Variants in CDCA7L observed in about 807,000 individuals in gnomAD.
CDCA7L encodes cell division cycle associated 7 like.
CDCA7L carries 44 observed loss-of-function variants against 57.4 expected under a neutral mutation model. The observed-to-expected ratio is 0.77, with a 90% CI of 0.60 to 0.98. CDCA7L has a LOEUF of 0.98. Ranked by LOEUF, CDCA7L falls within the 50% of genes least tolerant of loss-of-function variation. The pLI is 0.00. For synonymous variants in CDCA7L, 236 were observed against 202.8 expected (o/e 1.16, Z -1.39); for missense variants, 644 against 580.6 (o/e 1.11, Z -1.12).
chr7:21,915,546 C>T (rs1785453946), intron 2 of CDCA7L, among the ~76,000 whole-genome samples: 1 of 150,972 alleles, frequency 6.6e-6, no homozygotes, highest in Non-Finnish European at 1.5e-5. Flanking sequence ...GCCTCTAATT[C>T]CAGCACTTTC....
In CDCA7L at chr7:21,901,343, A is replaced by G. The variant is rs1038836048; in HGVS notation, c.*979T>C. The G allele has an allele frequency of 3.2e-5, 44 of 1,377,956 alleles. No homozygotes were observed. The highest frequency in any genetic ancestry group is 3.9e-5 in the Non-Finnish European group (41 of 1,052,676). 85.4% of individuals were successfully genotyped at this position (1,377,956 alleles called of 1,614,324 possible). On this transcript the variant is annotated 3_prime_UTR_variant, in exon 10 of 10. Transcript: ENST00000406877. ...CACTGTTCCCATGCACATTATTCTAACTTTTTAGTAACTCACACGTGCATT... is the reference window on the plus strand; with the variant it reads ...CACTGTTCCCATGCACATTATTCTAGCTTTTTAGTAACTCACACGTGCATT...
chr7:21,902,572 G>GAGTTTATTAGATTC (rs1554294916), intron 9 of CDCA7L: 10 of 585,252 alleles, frequency 1.7e-5, no homozygotes, highest in Admixed American at 1.2e-4. Context: ...CCACGATTCA[G>GAGTTTATTAGATTC]AGTTTATTAA....
chr7:21,916,173 A>C (rs886419566), intron 2 of CDCA7L, among the ~76,000 whole-genome samples: 1 of 152,198 alleles, frequency 6.6e-6, no homozygotes, highest in Non-Finnish European at 1.5e-5. Context: ...CAATTAACTC[A>C]GAAGAAAATG....
At chr7:21,923,994 C>G (rs141281543) in intron 1 of CDCA7L, among the ~76,000 whole-genome samples, 1 of 152,150 alleles carries the variant, frequency 6.6e-6, no homozygotes, top group Non-Finnish European at 1.5e-5. Flanking sequence ...ATAAAAAGAT[C>G]ATCAAACTGT....
At chr7:21,913,440 C>A (rs923666614) in intron 2 of CDCA7L, among the ~76,000 whole-genome samples, 2 of 152,150 alleles carry the variant, frequency 1.3e-5, no homozygotes, top group Non-Finnish European at 1.5e-5. Flanking sequence ...CAAGTTCATG[C>A]AGCTTCTCTC....
chr7:21,939,061 C>G (rs1786262800), intron 1 of CDCA7L, among the ~76,000 whole-genome samples: 1 of 152,030 alleles, frequency 6.6e-6, no homozygotes, highest in Non-Finnish European at 1.5e-5. Context: ...CATGGATAAA[C>G]TTTAATAACA....
chr7:21,907,108 A>T (rs1785166468), intron 4 of CDCA7L, among the ~76,000 whole-genome samples: 1 of 152,248 alleles, frequency 6.6e-6, no homozygotes, highest in Non-Finnish European at 1.5e-5. Flanking sequence ...CATCAATCAA[A>T]GTAATCTATG....
intron 6 of CDCA7L, 114 bp downstream of exon 6, chr7:21,906,175 G>A: frequency 1.0e-6 from 1 of 968,678 alleles, no homozygotes. Context: ...CAAGTTCTCA[G>A]CTGCCGCAGA....
chr7:21,902,722 A>T, intron 9 of CDCA7L: 1 of 502,070 alleles, frequency 2.0e-6, no homozygotes, highest in Non-Finnish European at 3.5e-6. Flanking sequence ...CATTTCTGTC[A>T]TACACCTCAA....
At chr7:21,902,801 T>A (rs1269993044) in intron 9 of CDCA7L, 177 bp downstream of exon 9, 1 of 598,634 alleles carries the variant, frequency 1.7e-6, no homozygotes, top group Non-Finnish European at 2.8e-6. Flanking sequence ...GATTCCCTAA[T>A]AGGGAAAATA....
intron 7 of CDCA7L, 37 bp downstream of exon 7, chr7:21,905,469 G>A (rs748998895): frequency 7.5e-6 from 12 of 1,603,512 alleles, no homozygotes; most frequent in African/African-American, 2.7e-5. Context: ...CAATGCCTTC[G>A]ACTCCCAATA....
At chr7:21,918,631 C>G (rs1397692134) in intron 1 of CDCA7L, among the ~76,000 whole-genome samples, 1 of 152,134 alleles carries the variant, frequency 6.6e-6, no homozygotes, top group African/African-American at 2.4e-5. Flanking sequence ...TTAACAGACT[C>G]ATTTGGGTTT....
rs907294190 is a variant in CDCA7L at position 21,917,879 on chromosome 7, C to T, written c.25-985G>A. Among the ~76,000 whole-genome samples the T allele has an allele frequency of 3.3e-5, 5 of 152,196 alleles. No homozygotes were observed. In the South Asian group the frequency reaches 1.0e-3, roughly 32 times the overall value. Reference sequence around the variant, plus strand: ...ATAGAACCACAAAACCATAATTGTACCGAAAATAATTAACATTAATTCAAT... The same window carrying T: ...ATAGAACCACAAAACCATAATTGTATCGAAAATAATTAACATTAATTCAAT... On this transcript the variant is annotated intron_variant, in intron 1 of 9. Coordinates refer to ENST00000406877, the MANE Select transcript of CDCA7L (RefSeq NM_018719.5).
chr7:21,945,775 C>A lies in CDCA7L; in HGVS notation c.24+6G>T. ...TCCGGACGGCGGCGGGCGGCCGGAC[C>A]CTCACCTGGTAGCGAGTCGCCAACT... On this transcript the variant is annotated splice_donor_region_variant and intron_variant, in intron 1 of 9. Coordinates refer to ENST00000406877, the MANE Select transcript of CDCA7L (RefSeq NM_018719.5). 1.3e-6 allele frequency: 2 copies of A among 1,599,364 alleles called. No homozygotes were observed. Among genetic ancestry groups the A allele is most frequent in the African/African-American group, 1.4e-5 (1 of 73,020 alleles).
At chr7:21,911,803 T>A in intron 2 of CDCA7L, 49 bp from the exon 3 acceptor site, 3 of 1,567,420 alleles carry the variant, frequency 1.9e-6, no homozygotes, top group Non-Finnish European at 2.6e-6. Context: ...GAATAGAGGT[T>A]ACCAGGGAAG....
At chr7:21,912,948 G>C (rs1785377412) in intron 2 of CDCA7L, among the ~76,000 whole-genome samples, 2 of 152,100 alleles carry the variant, frequency 1.3e-5, no homozygotes, top group Admixed American at 1.3e-4. Context: ...GCAGGCCAAA[G>C]GGAGACCCAC....
Position 21,942,774 on chromosome 7 carries a change from G to C in CDCA7L, c.24+3007C>G, listed in dbSNP as rs559748190. Among the ~76,000 whole-genome samples, 156 of 152,282 alleles carry C rather than the reference G, an allele frequency of 1.0e-3. 2 individuals are homozygous for C. Among genetic ancestry groups the C allele is most frequent in the African/African-American group, 3.6e-3 (149 of 41,550 alleles). On this transcript the variant is annotated intron_variant, in intron 1 of 9. Transcript: ENST00000406877. ...TGGATGGGGTAGCCAGCAGAACACAGAACAACCAAGGAGCGTTTTAAATAC... is the reference window on the plus strand; with the variant it reads ...TGGATGGGGTAGCCAGCAGAACACACAACAACCAAGGAGCGTTTTAAATAC...
intron 1 of CDCA7L, among the ~76,000 whole-genome samples, chr7:21,920,469 A>C (rs1785616836): frequency 6.6e-6 from 1 of 152,240 alleles, no homozygotes; most frequent in African/African-American, 2.4e-5. Flanking sequence ...GGTTCAATCA[A>C]AGGAAGTGTA....
chr7:21,903,033 G>A lies in CDCA7L; in HGVS notation c.1279C>T (p.Leu427Phe), dbSNP rs1299767891. ...CCATAAAACTTGGCCAGATGAATGA[G>A]GATTCCTGTGGCACAGCGGCCGTCA... The part of the protein sequence containing the change: ...KRDGRCATGI[L>F]IHLAKFYGYD... The change falls in exon 9 of 10, where the codon CTC becomes TTC. Residue 427 changes from leucine (L) to phenylalanine (F), a missense_variant. Coordinates refer to ENST00000406877, the MANE Select transcript of CDCA7L (RefSeq NM_018719.5). The A allele has an allele frequency of 6.2e-7, 1 of 1,613,798 alleles. No homozygotes were observed. The highest frequency in any genetic ancestry group is 8.5e-7 in the Non-Finnish European group (1 of 1,179,712).
Sources: allele counts gnomAD v4.1 joint callset (sites outside exome capture counted in the v4.1 genomes callset), GRCh38; gene constraint gnomAD v4.1.1; transcripts MANE v1.5; gene names NCBI Gene and HGNC (gene_info 2026-07-23, HGNC 2026-07-21).